MSRA: variants seen among roughly 807,000 people sequenced by gnomAD.
MSRA encodes the protein methionine sulfoxide reductase A.
Under a neutral mutation model 31.3 loss-of-function variants are expected in MSRA, and 54 were observed. The ratio of observed to expected loss-of-function variants is 1.73; its 90% CI spans 1.39 to 2.17. MSRA has a LOEUF of 2.17. Ranked by LOEUF, MSRA falls within the 30% of genes most tolerant of loss-of-function variation. MSRA has a pLI of 0.00. For missense variants in MSRA, 507 were observed against 300.9 expected (o/e 1.69, Z -5.07); for synonymous variants, 169 against 116.5 (o/e 1.45, Z -2.90).
intron 3 of MSRA, among the ~76,000 whole-genome samples, chr8:10,272,387 T>C (rs932779652): frequency 6.6e-6 from 1 of 152,202 alleles, no homozygotes; most frequent in African/African-American, 2.4e-5. Flanking sequence ...CAGGAAGAGC[T>C]GATGTTTTAG....
chr8:10,118,339 A>G (rs1007951230), intron 1 of MSRA, among the ~76,000 whole-genome samples: 1 of 152,160 alleles, frequency 6.6e-6, no homozygotes, highest in Non-Finnish European at 1.5e-5. Context: ...GGGAAGTGCT[A>G]TGGGGAAGCA....
In MSRA at chr8:10,214,163, G is replaced by T. The variant is rs933879250; in HGVS notation, c.211+6262G>T. Among the ~76,000 whole-genome samples, 8 of 152,040 alleles carry T rather than the reference G, an allele frequency of 5.3e-5. No homozygotes were observed. The South Asian group carries it at 1.7e-3, about 31-fold the overall frequency. On this transcript the variant is annotated intron_variant, in intron 2 of 5. Transcript: ENST00000317173. ...GACTTAGGAAAATGTGTTTTTTGTC[G>T]CACGGCACATCTCTTTTGACAGCTA...
intron 5 of MSRA, among the ~76,000 whole-genome samples, chr8:10,331,182 C>T (rs765674387): frequency 1.3e-5 from 2 of 152,148 alleles, no homozygotes; most frequent in African/African-American, 4.8e-5. Context: ...GAAATAGAAG[C>T]CTGTTATTGA....
At chr8:10,362,747 C>G (rs550924799) in intron 5 of MSRA, among the ~76,000 whole-genome samples, 15 of 152,200 alleles carry the variant, frequency 9.9e-5, no homozygotes, top group Admixed American at 9.8e-4. Flanking sequence ...CTCGAGCTGC[C>G]TGCTGGTCCT....
intron 5 of MSRA, among the ~76,000 whole-genome samples, chr8:10,411,834 C>A (rs1008171220): frequency 2.0e-5 from 3 of 152,246 alleles, no homozygotes; most frequent in Non-Finnish European, 4.4e-5. Context: ...CAGGAAGATT[C>A]TGCCAGCAGC....
At chr8:10,136,275 A>T (rs1441033013) in intron 1 of MSRA, among the ~76,000 whole-genome samples, 2 of 152,286 alleles carry the variant, frequency 1.3e-5, no homozygotes, top group East Asian at 3.9e-4. Context: ...GGGCGTCCTT[A>T]TCTATCTCAA....
At chr8:10,068,775 C>T (rs1797587361) in intron 1 of MSRA, among the ~76,000 whole-genome samples, 1 of 152,088 alleles carries the variant, frequency 6.6e-6, no homozygotes, top group South Asian at 2.1e-4. Flanking sequence ...TTCCCCCTTT[C>T]CATATAAAGT....
intron 1 of MSRA, among the ~76,000 whole-genome samples, chr8:10,190,337 C>T (rs1174758321): frequency 6.6e-6 from 1 of 152,210 alleles, no homozygotes; most frequent in African/African-American, 2.4e-5. Context: ...GCCGCCCCTG[C>T]CTGTGCCGCT....
chr8:10,120,025 C>T (rs1800990445), intron 1 of MSRA, among the ~76,000 whole-genome samples: 1 of 152,070 alleles, frequency 6.6e-6, no homozygotes, highest in Admixed American at 6.5e-5. Flanking sequence ...GAATTGTGCC[C>T]TTTAGTAGAG....
intron 5 of MSRA, among the ~76,000 whole-genome samples, chr8:10,372,915 A>C (rs1451872462): frequency 6.6e-6 from 1 of 152,206 alleles, no homozygotes; most frequent in East Asian, 1.9e-4. Flanking sequence ...TTGAGGCGGA[A>C]TCTTGCTCTG....
chr8:10,168,660 A>G (rs528363526), intron 1 of MSRA, among the ~76,000 whole-genome samples: 1 of 152,212 alleles, frequency 6.6e-6, no homozygotes, highest in Non-Finnish European at 1.5e-5. Flanking sequence ...CCAATGTCAC[A>G]TAGCTAGTAA....
At chr8:10,189,939 C>T (rs1175762505) in intron 1 of MSRA, among the ~76,000 whole-genome samples, 3 of 152,072 alleles carry the variant, frequency 2.0e-5, no homozygotes, top group African/African-American at 7.2e-5. Context: ...CAGTGAAAAT[C>T]TGGGAGCATG....
At chr8:10,064,561 G>C (rs1340009675) in intron 1 of MSRA, among the ~76,000 whole-genome samples, 2 of 152,152 alleles carry the variant, frequency 1.3e-5, no homozygotes, top group Non-Finnish European at 2.9e-5. Flanking sequence ...ATATTTAGAT[G>C]ATTATAAATA....
intron 1 of MSRA, among the ~76,000 whole-genome samples, chr8:10,121,797 A>G (rs777111795): frequency 1.3e-5 from 2 of 151,752 alleles, no homozygotes; most frequent in African/African-American, 2.4e-5. Context: ...CAGCCTCCCA[A>G]GTAGCTGGAA....
chr8:10,239,115 C>G (rs892465535), intron 2 of MSRA, among the ~76,000 whole-genome samples: 2 of 151,990 alleles, frequency 1.3e-5, no homozygotes, highest in African/African-American at 4.8e-5. Context: ...GGCCCATATA[C>G]TATGTGAAGA....
intron 1 of MSRA, among the ~76,000 whole-genome samples, chr8:10,170,820 C>G (rs575478695): frequency 6.6e-6 from 1 of 152,336 alleles, no homozygotes; most frequent in Admixed American, 6.5e-5. Flanking sequence ...TTTTATGGTA[C>G]TCTGTCCAAT....
chr8:10,138,906 C>T (rs1352163683), intron 1 of MSRA, among the ~76,000 whole-genome samples: 2 of 152,158 alleles, frequency 1.3e-5, no homozygotes, highest in Non-Finnish European at 2.9e-5. Context: ...AGCTAGCTAC[C>T]AGAAACAGGT....
intron 1 of MSRA, among the ~76,000 whole-genome samples, chr8:10,099,277 G>C (rs752222066): frequency 6.6e-6 from 1 of 152,200 alleles, no homozygotes; most frequent in Non-Finnish European, 1.5e-5. Context: ...GTGAGGCAGA[G>C]CTGGTGGCCC....
In MSRA at chr8:10,301,565, G is replaced by T. The variant is rs762892844; in HGVS notation, c.363G>T (p.Val121=). The T allele has an allele frequency of 6.2e-7, 1 of 1,614,030 alleles. No homozygotes were observed. The highest frequency in any genetic ancestry group is 8.5e-7 in the Non-Finnish European group (1 of 1,180,004). ...EKTGHAEVVR[V]VYQPEHMSFE... ...CTGGCCATGCAGAAGTCGTCCGAGT[G>T]GTGTACCAGCCAGAACACATGAGTT... The change falls in exon 4 of 6, where the codon GTG becomes GTT. Residue 121 remains valine (V), a synonymous_variant. Transcript: ENST00000317173.
Sources: gnomAD v4.1 joint callset for allele counts (sites outside exome capture counted in the v4.1 genomes callset) on GRCh38, gnomAD v4.1.1 for gene constraint, MANE v1.5 for transcripts, NCBI Gene and HGNC (gene_info 2026-07-23, HGNC 2026-07-21) for gene names.